The following DNAJC3 variants were observed in gnomAD, a reference collection of about 807,000 sequenced individuals.
DNAJC3 encodes DnaJ heat shock protein family (Hsp40) member C3, also known as dnaJ homolog subfamily C member 3.
A neutral mutation model predicts 68.6 loss-of-function variants in DNAJC3; 38 were observed. The observed-to-expected ratio is 0.55, with a 90% CI of 0.43 to 0.73. DNAJC3 has a LOEUF of 0.73. Ranked by LOEUF, DNAJC3 falls within the 30% of genes least tolerant of loss-of-function variation. The pLI, the probability that DNAJC3 is intolerant of heterozygous loss-of-function variation, is 0.00. For synonymous variants in DNAJC3, 203 were observed against 204.0 expected (o/e 1.00, Z 0.04); for missense variants, 526 against 591.9 (o/e 0.89, Z 1.16).
At chr13:95,755,679 C>A (rs1320925374) in intron 4 of DNAJC3, among the ~76,000 whole-genome samples, 1 of 146,722 alleles carries the variant, frequency 6.8e-6, no homozygotes, top group Non-Finnish European at 1.5e-5. Flanking sequence ...ATTGCATGAA[C>A]CCAGGAGACG....
intron 9 of DNAJC3, among the ~76,000 whole-genome samples, chr13:95,783,035 T>A (rs1369464148): frequency 6.6e-6 from 1 of 152,238 alleles, no homozygotes; most frequent in Admixed American, 6.5e-5. Context: ...CACATATGGC[T>A]AGCCAGTTTT....
chr13:95,691,911 C>T (rs1300010609), intron 1 of DNAJC3, among the ~76,000 whole-genome samples: 1 of 152,210 alleles, frequency 6.6e-6, no homozygotes, highest in Non-Finnish European at 1.5e-5. Context: ...GAAAACCAGT[C>T]AGGCGTGGCG....
At chr13:95,724,633 C>T (rs1000674990) in intron 3 of DNAJC3, among the ~76,000 whole-genome samples, 1 of 152,098 alleles carries the variant, frequency 6.6e-6, no homozygotes, top group Non-Finnish European at 1.5e-5. Flanking sequence ...TTTTATCGAC[C>T]CCCAAAGAAG....
At chr13:95,694,228 G>C (rs781437339) in intron 1 of DNAJC3, 1 of 152,330 alleles carries the variant, frequency 6.6e-6, no homozygotes, top group Non-Finnish European at 1.5e-5. Context: ...TAATGATAAA[G>C]TTCCTCAAAT....
At chr13:95,779,317 G>A (rs547458556) in intron 9 of DNAJC3, among the ~76,000 whole-genome samples, 3 of 151,146 alleles carry the variant, frequency 2.0e-5, no homozygotes, top group Non-Finnish European at 4.4e-5. Context: ...GTAGAGACGG[G>A]GTTTCACCGT....
At chr13:95,718,947 A>C (rs1881236497) in intron 2 of DNAJC3, among the ~76,000 whole-genome samples, 1 of 152,170 alleles carries the variant, frequency 6.6e-6, no homozygotes, top group African/African-American at 2.4e-5. Flanking sequence ...GATCCCACAG[A>C]TTGAGAGCTC....
chr13:95,703,931 C>G (rs1288158760), intron 1 of DNAJC3, among the ~76,000 whole-genome samples: 1 of 151,794 alleles, frequency 6.6e-6, no homozygotes, highest in Non-Finnish European at 1.5e-5. Flanking sequence ...GTTTCATTAA[C>G]CTTGTATTGA....
At chr13:95,781,701 G>T (rs905344638) in intron 9 of DNAJC3, among the ~76,000 whole-genome samples, 3 of 151,950 alleles carry the variant, frequency 2.0e-5, no homozygotes, top group Non-Finnish European at 4.4e-5. Flanking sequence ...AAATGAATTG[G>T]CTAATACGCA....
chr13:95,742,664 C>T (rs776017913), intron 4 of DNAJC3: 2 of 518,464 alleles, frequency 3.9e-6, no homozygotes, highest in Non-Finnish European at 7.7e-6. Flanking sequence ...GTTGGGACTC[C>T]AGCGTTCTCT....
chr13:95,702,013 G>A (rs1046257571), intron 1 of DNAJC3, among the ~76,000 whole-genome samples: 1 of 152,076 alleles, frequency 6.6e-6, no homozygotes, highest in Non-Finnish European at 1.5e-5. Context: ...GGACATTTCT[G>A]TATCCAACCA....
intron 2 of DNAJC3, among the ~76,000 whole-genome samples, chr13:95,713,473 T>C (rs553008797): frequency 2.0e-5 from 3 of 152,320 alleles, no homozygotes; most frequent in South Asian, 2.1e-4. Flanking sequence ...AAAATAGTTA[T>C]AAGAAACTTA....
In DNAJC3 at chr13:95,690,880, C is replaced by T. The variant is rs1243331340; in HGVS notation, c.82+13543C>T. Among the ~76,000 whole-genome samples, 181 of 141,150 alleles carry T rather than the reference C, an allele frequency of 1.3e-3. 2 individuals carry two copies. Among genetic ancestry groups the T allele is most frequent in the African/African-American group, 4.5e-3 (168 of 37,474 alleles). 92.6% of individuals were successfully genotyped at this position (141,150 alleles called of 152,430 possible). A position where few individuals can be genotyped will look rare whatever the true frequency, so the allele number is the denominator to read the frequency against. ...GTAGGGGCGGCCGGGCAGAGGCGCC[C>T]CTCACTTCCCAGACGGGGCGGCTGG... On this transcript the variant is annotated intron_variant, in intron 1 of 11. Transcript: ENST00000602402.
chr13:95,787,639 T>C lies in DNAJC3; in HGVS notation c.1357+484T>C, dbSNP rs1187399759. Among the ~76,000 whole-genome samples, 4 of 152,128 alleles carry C rather than the reference T, an allele frequency of 2.6e-5. No homozygotes were observed. The East Asian group carries it at 5.8e-4, about 22-fold the overall frequency. Reference sequence around the variant, plus strand: ...TCACCAGGAATCTTGCCCTGAATCATAGGATCATTAGATTCACAGGCTTAT... The same window carrying C: ...TCACCAGGAATCTTGCCCTGAATCACAGGATCATTAGATTCACAGGCTTAT... On this transcript the variant is annotated intron_variant, in intron 11 of 11. Transcript: ENST00000602402.
At position 95,704,851 on chromosome 13, in the gene DNAJC3, G is replaced by GTTTTTTTTTTTTTTTTTTTTTTTTTT. The variant is rs1193979630; in HGVS notation, c.83-4358_83-4357insTTTTTTTTTTTTTTTTTTTTTTTTTT. 1.4e-3 allele frequency among the ~76,000 whole-genome samples: 134 copies of GTTTTTTTTTTTTTTTTTTTTTTTTTT among 97,816 alleles called. 23 individuals are homozygous for GTTTTTTTTTTTTTTTTTTTTTTTTTT. Among genetic ancestry groups the GTTTTTTTTTTTTTTTTTTTTTTTTTT allele is most frequent in the African/African-American group, 5.4e-3 (91 of 16,724 alleles). 64.2% of individuals were successfully genotyped at this position (97,816 alleles called of 152,430 possible). ...AGAAAGGACTAATCTGTGTGTGTGT[G>GTTTTTTTTTTTTTTTTTTTTTTTTTT]TTTTTTTTTTTTTTTTTTGAGACAG... is the stretch of plus-strand genomic sequence containing the variant. On this transcript the variant is annotated intron_variant, in intron 1 of 11. Transcript: ENST00000602402.
At chr13:95,703,857 A>G (rs1880645881) in intron 1 of DNAJC3, among the ~76,000 whole-genome samples, 1 of 149,968 alleles carries the variant, frequency 6.7e-6, no homozygotes, top group Non-Finnish European at 1.5e-5. Flanking sequence ...TGATTGAGTG[A>G]CTCATAAACT....
At chr13:95,718,984 A>G (rs1171263659) in intron 2 of DNAJC3, among the ~76,000 whole-genome samples, 2 of 152,200 alleles carry the variant, frequency 1.3e-5, no homozygotes, top group African/African-American at 4.8e-5. Flanking sequence ...TCCTGACTTC[A>G]GAAGCCATTC....
intron 4 of DNAJC3, among the ~76,000 whole-genome samples, chr13:95,733,299 CAT>C (rs1379253575): frequency 6.6e-6 from 1 of 152,154 alleles, no homozygotes; most frequent in Non-Finnish European, 1.5e-5. Context: ...TTTGCCTTAA[CAT>C]ATGTGGGTGC....
At chr13:95,758,678 G>A (rs1220270293) in intron 5 of DNAJC3, among the ~76,000 whole-genome samples, 1 of 151,898 alleles carries the variant, frequency 6.6e-6, no homozygotes, top group Non-Finnish European at 1.5e-5. Flanking sequence ...GTTCTAGCTA[G>A]GGAAACCTGA....
chr13:95,710,310 T>G (rs904847289), intron 2 of DNAJC3, among the ~76,000 whole-genome samples: 2 of 151,060 alleles, frequency 1.3e-5, no homozygotes, highest in African/African-American at 4.9e-5. Context: ...GTGATTATGG[T>G]GATTATGGCT....
Sources: allele counts gnomAD v4.1 joint callset (sites outside exome capture counted in the v4.1 genomes callset), GRCh38; gene constraint gnomAD v4.1.1; transcripts MANE v1.5; gene names NCBI Gene and HGNC (gene_info 2026-07-23, HGNC 2026-07-21).